The following SCYL2 variants were observed in gnomAD, a reference collection of about 807,000 sequenced individuals.
The protein encoded by SCYL2 is SCY1 like pseudokinase 2.
SCYL2 carries 36 observed loss-of-function variants against 100.4 expected under a neutral mutation model. That is an observed-to-expected ratio of 0.36 (90% CI 0.27 to 0.47). The LOEUF is 0.47. SCYL2 is among the 20% of genes least tolerant of loss of function. SCYL2 has a pLI of 1.00. For missense variants in SCYL2, 902 were observed against 1,083.9 expected (o/e 0.83, Z 2.36); for synonymous variants, 330 against 359.2 (o/e 0.92, Z 0.92).
intron 7 of SCYL2, 63 bp from the exon 8 acceptor site, chr12:100,314,420 ACAGTTT>A: frequency 1.7e-6 from 2 of 1,143,624 alleles, no homozygotes; most frequent in Non-Finnish European, 2.5e-6. Flanking sequence ...CCATATTGTG[ACAGTTT>A]CAGATATGAG....
intron 12 of SCYL2, among the ~76,000 whole-genome samples, chr12:100,328,691 T>C (rs1316668090): frequency 6.6e-6 from 1 of 152,148 alleles, no homozygotes; most frequent in African/African-American, 2.4e-5. Flanking sequence ...ATTGAGTAAA[T>C]AGGTGAGACA....
In SCYL2 at chr12:100,270,931, A is replaced by G. The variant is rs78903690; in HGVS notation, c.-29+3139A>G. On this transcript the variant is annotated intron_variant, in intron 1 of 17. Coordinates refer to ENST00000360820, the MANE Select transcript of SCYL2 (RefSeq NM_017988.6). Reference sequence around the variant, plus strand: ...AATTTGTGTACTAACTTGGCTGTACATTGCTAAGTCTTTTCAGTTTTTTAT... The same window carrying G: ...AATTTGTGTACTAACTTGGCTGTACGTTGCTAAGTCTTTTCAGTTTTTTAT... 7.3e-4 allele frequency among the ~76,000 whole-genome samples: 111 copies of G among 151,874 alleles called. 1 individual carries two copies. In the East Asian group the frequency reaches 0.017, roughly 23 times the overall value.
chr12:100,285,926 G>A (rs1369927617), intron 2 of SCYL2, among the ~76,000 whole-genome samples: 1 of 151,990 alleles, frequency 6.6e-6, no homozygotes. Flanking sequence ...ATTAAAGATG[G>A]AAATTTTTAT....
At chr12:100,336,506 A>G (rs575419621) in intron 16 of SCYL2, among the ~76,000 whole-genome samples, 1 of 152,008 alleles carries the variant, frequency 6.6e-6, no homozygotes, top group Non-Finnish European at 1.5e-5. Context: ...GTTTTCTCAT[A>G]ATTGGATTAA....
chr12:100,316,008 A>G (rs925192179), intron 9 of SCYL2, among the ~76,000 whole-genome samples: 1 of 152,220 alleles, frequency 6.6e-6, no homozygotes, highest in African/African-American at 2.4e-5. Context: ...ACTGTTCTTT[A>G]TGTACCATAT....
At chr12:100,325,450 C>A (rs554648448) in intron 11 of SCYL2, among the ~76,000 whole-genome samples, 1 of 152,262 alleles carries the variant, frequency 6.6e-6, no homozygotes, top group South Asian at 2.1e-4. Context: ...TTATATGTCA[C>A]CTTTTAAGTG....
intron 6 of SCYL2, 91 bp downstream of exon 6, chr12:100,312,744 A>G: frequency 2.5e-6 from 2 of 813,390 alleles, no homozygotes; most frequent in East Asian, 2.7e-5. Flanking sequence ...AATTCTTTAA[A>G]TGACATGAGT....
At chr12:100,324,560 A>C (rs1372490961) in intron 11 of SCYL2, among the ~76,000 whole-genome samples, 1 of 152,218 alleles carries the variant, frequency 6.6e-6, no homozygotes, top group Non-Finnish European at 1.5e-5. Flanking sequence ...TCTTATAGCC[A>C]TTGAATCTAT....
chr12:100,325,712 C>T (rs1279059884), intron 11 of SCYL2, among the ~76,000 whole-genome samples: 1 of 151,786 alleles, frequency 6.6e-6, no homozygotes, highest in African/African-American at 2.4e-5. Context: ...TTTATATATC[C>T]TAAAAGTAAA....
intron 16 of SCYL2, among the ~76,000 whole-genome samples, chr12:100,337,083 A>G (rs906038340): frequency 1.3e-5 from 2 of 152,134 alleles, no homozygotes; most frequent in Non-Finnish European, 2.9e-5. Context: ...AGATTTCCCA[A>G]TTTTCAAGAA....
rs777853799 is a variant in SCYL2 at position 100,338,556 on chromosome 12, A to G, written c.2174A>G (p.Asp725Gly). The change falls in exon 18 of 18, where the codon GAT becomes GGT. Residue 725 changes from aspartate to glycine, a missense_variant. Transcript: ENST00000360820. ...AAGGACTTGACAGACACACTGATGG[A>G]TAATATGTCATCCTTGACCAGCCTT... is the stretch of plus-strand genomic sequence containing the variant. ...QTKDLTDTLM[D>G]NMSSLTSLSV... 2 of 1,611,938 alleles carry G rather than the reference A, an allele frequency of 1.2e-6. No homozygotes were observed. The highest frequency in any genetic ancestry group is 1.7e-6 in the Non-Finnish European group (2 of 1,178,684).
rs756262769 is a variant in SCYL2 at position 100,313,428 on chromosome 12, C to T, written c.859C>T (p.Arg287Cys). 1.2e-5 allele frequency: 18 copies of T among 1,503,870 alleles called. No homozygotes were observed. The highest frequency in any genetic ancestry group is 1.6e-5 in the Non-Finnish European group (17 of 1,084,326). The allele number at this position is 1,503,870 out of a possible 1,614,324, so 93.2% of individuals were successfully genotyped here. Residue 287 changes from arginine (R) to cysteine (C), a missense_variant, in exon 7 of 18, where the codon CGT becomes TGT. Arg to Cys is a radical substitution (Grantham distance 180). Coordinates refer to ENST00000360820, the MANE Select transcript of SCYL2 (RefSeq NM_017988.6). ...TTATCACTCTTTTGAATAGTTGAGT[C>T]GTTTAGGATCTAGTTCACTTACAAA... is the stretch of plus-strand genomic sequence containing the variant. ...SFSRQLDQLS[R>C]LGSSSLTNIP...
At chr12:100,326,401 C>T (rs940216277) in intron 11 of SCYL2, among the ~76,000 whole-genome samples, 2 of 152,074 alleles carry the variant, frequency 1.3e-5, no homozygotes, top group South Asian at 4.1e-4. Flanking sequence ...GACTTTAGCT[C>T]ACTAGTGACC....
chr12:100,320,745 G>A (rs952924243), intron 10 of SCYL2, among the ~76,000 whole-genome samples: 2 of 151,896 alleles, frequency 1.3e-5, no homozygotes, highest in Non-Finnish European at 2.9e-5. Flanking sequence ...TAATAATACA[G>A]GTGTTAGGGG....
At chr12:100,310,761 C>G (rs536109954) in intron 4 of SCYL2, among the ~76,000 whole-genome samples, 1 of 152,278 alleles carries the variant, frequency 6.6e-6, no homozygotes, top group South Asian at 2.1e-4. Context: ...ATTTGGACAT[C>G]AAAGGATTCT....
intron 4 of SCYL2, among the ~76,000 whole-genome samples, chr12:100,305,930 C>T (rs1354335278): frequency 6.6e-6 from 1 of 152,064 alleles, no homozygotes; most frequent in Admixed American, 6.6e-5. Context: ...TTCCTGGACA[C>T]ATACACCCTC....
At chr12:100,331,496 A>G (rs1952208041) in intron 13 of SCYL2, among the ~76,000 whole-genome samples, 2 of 152,056 alleles carry the variant, frequency 1.3e-5, no homozygotes, top group Admixed American at 1.3e-4. Flanking sequence ...AGTCCCAGCT[A>G]CCAGAGGGAG....
intron 10 of SCYL2, among the ~76,000 whole-genome samples, chr12:100,322,054 A>G (rs1317203359): frequency 6.6e-6 from 1 of 150,906 alleles, no homozygotes; most frequent in African/African-American, 2.4e-5. Flanking sequence ...CAAAAAAAAA[A>G]AAAAAAGAAA....
At position 100,298,069 on chromosome 12, in the gene SCYL2, G is replaced by A. The variant is rs2096323014; in HGVS notation, c.374G>A (p.Ser125Asn). The change falls in exon 4 of 18, where the codon AGT becomes AAT. Residue 125 changes from serine to asparagine, a missense_variant. By Grantham distance (46) the Ser-to-Asn change is conservative (BLOSUM62 1). Transcript: ENST00000360820. ...TTTTGTACAGAACCAGTTTTTGCCAGTTTAGCCAATGTTCTTGGTAACTGG... is the reference window on the plus strand; with the variant it reads ...TTTTGTACAGAACCAGTTTTTGCCAATTTAGCCAATGTTCTTGGTAACTGG... ...LAFCTEPVFA[S>N]LANVLGNWEN... 6.2e-7 allele frequency: 1 copy of A among 1,611,358 alleles called. No homozygotes were observed. The highest frequency in any genetic ancestry group is 1.3e-5 in the African/African-American group (1 of 74,804).
Sources: allele counts gnomAD v4.1 joint callset (sites outside exome capture counted in the v4.1 genomes callset), GRCh38; gene constraint gnomAD v4.1.1; transcripts MANE v1.5; gene names NCBI Gene and HGNC (gene_info 2026-07-23, HGNC 2026-07-21).